Variants in DLGAP2 observed in about 807,000 individuals in gnomAD.
DLGAP2 encodes DLG associated protein 2.
A neutral mutation model predicts 100.3 loss-of-function variants in DLGAP2; 26 were observed. The ratio of observed to expected loss-of-function variants is 0.26; its 90% CI spans 0.19 to 0.36. The LOEUF (loss-of-function observed/expected upper bound fraction) is 0.36, where lower values mean the gene tolerates loss of function less well. Ranked by LOEUF, DLGAP2 falls within the 10% of genes least tolerant of loss-of-function variation. The pLI, the probability that DLGAP2 is intolerant of heterozygous loss-of-function variation, is 1.00. For synonymous variants in DLGAP2, 886 were observed against 630.1 expected (o/e 1.41, Z -6.08); for missense variants, 1,858 against 1,453.2 (o/e 1.28, Z -4.53).
intron 3 of DLGAP2, among the ~76,000 whole-genome samples, chr8:1,412,420 A>G (rs144256113): frequency 6.6e-6 from 1 of 152,220 alleles, no homozygotes; most frequent in Non-Finnish European, 1.5e-5. Context: ...CTTCCATATG[A>G]TTTGTTACAT....
chr8:1,024,632 T>G (rs1801738422), intron 2 of DLGAP2, among the ~76,000 whole-genome samples: 1 of 152,180 alleles, frequency 6.6e-6, no homozygotes, highest in African/African-American at 2.4e-5. Flanking sequence ...GTTGTATGAC[T>G]GGAGACAGAA....
intron 2 of DLGAP2, among the ~76,000 whole-genome samples, chr8:973,514 TGGGCGGCC>T (rs1443184696): frequency 6.8e-6 from 1 of 146,258 alleles, no homozygotes; most frequent in Non-Finnish European, 1.5e-5. Context: ...TCTCAGACGA[TGGGCGGCC>T]GGGCAGAGAT....
At chr8:787,833 C>T (rs751292938) in intron 1 of DLGAP2, among the ~76,000 whole-genome samples, 4 of 152,198 alleles carry the variant, frequency 2.6e-5, no homozygotes, top group African/African-American at 4.8e-5. Flanking sequence ...GGTTTGGGCT[C>T]GCTCAGCACT....
intron 1 of DLGAP2, among the ~76,000 whole-genome samples, chr8:791,588 C>G (rs1159740438): frequency 2.0e-5 from 3 of 152,144 alleles, no homozygotes; most frequent in African/African-American, 7.2e-5. Flanking sequence ...CATTTCGATT[C>G]TAACATAAAT....
At chr8:1,264,580 C>T (rs1015177989) in intron 3 of DLGAP2, among the ~76,000 whole-genome samples, 5 of 152,132 alleles carry the variant, frequency 3.3e-5, no homozygotes, top group African/African-American at 9.7e-5. Context: ...GTTCCAGAAT[C>T]AGTTATGATT....
At chr8:1,371,801 T>A (rs1248457427) in intron 3 of DLGAP2, among the ~76,000 whole-genome samples, 1 of 152,162 alleles carries the variant, frequency 6.6e-6, no homozygotes, top group Non-Finnish European at 1.5e-5. Flanking sequence ...ACGTGCATCG[T>A]GGAACTGTCC....
At chr8:875,371 C>T (rs953194182) in intron 1 of DLGAP2, among the ~76,000 whole-genome samples, 2 of 152,168 alleles carry the variant, frequency 1.3e-5, no homozygotes, top group South Asian at 2.1e-4. Flanking sequence ...ATAATCCCCA[C>T]GTGTCATGAG....
chr8:1,233,478 A>T (rs1798579758), intron 2 of DLGAP2, among the ~76,000 whole-genome samples: 1 of 152,216 alleles, frequency 6.6e-6, no homozygotes. Flanking sequence ...AACGGGGCTA[A>T]TCGCAGAGCG....
intron 2 of DLGAP2, among the ~76,000 whole-genome samples, chr8:1,169,531 A>G (rs1029594305): frequency 1.2e-4 from 18 of 152,088 alleles, no homozygotes; most frequent in Non-Finnish European, 1.8e-4. Flanking sequence ...ATGTTCTTCC[A>G]TTTGTTTGTA....
At chr8:1,669,684 C>T in intron 9 of DLGAP2, 59 bp from the exon 10 acceptor site, 2 of 780,332 alleles carry the variant, frequency 2.6e-6, no homozygotes, top group South Asian at 2.7e-5. Flanking sequence ...GGGGAGCCGC[C>T]CGCTGGTCCA....
chr8:1,652,847 A>C (rs1316905717), intron 8 of DLGAP2, among the ~76,000 whole-genome samples: 3 of 152,154 alleles, frequency 2.0e-5, no homozygotes, highest in African/African-American at 7.2e-5. Flanking sequence ...AAGCAAAGTA[A>C]ATTGCCTCCT....
intron 6 of DLGAP2, among the ~76,000 whole-genome samples, chr8:1,567,924 C>G (rs966988327): frequency 6.6e-6 from 1 of 152,240 alleles, no homozygotes; most frequent in Non-Finnish European, 1.5e-5. Context: ...GGCCTCAAAT[C>G]TGATCAGATG....
At chr8:1,339,270 C>T (rs1040397859) in intron 3 of DLGAP2, among the ~76,000 whole-genome samples, 9 of 117,860 alleles carry the variant, frequency 7.6e-5, no homozygotes, top group Admixed American at 4.2e-4. Flanking sequence ...CGTCAGGACC[C>T]GGGAGGGAAT....
At chr8:1,090,629 T>C (rs1364244020) in intron 2 of DLGAP2, among the ~76,000 whole-genome samples, 1 of 152,220 alleles carries the variant, frequency 6.6e-6, no homozygotes, top group Non-Finnish European at 1.5e-5. Context: ...TGCCTCTTGC[T>C]GACTGAGCCC....
At chr8:1,392,233 G>C (rs1167155751) in intron 3 of DLGAP2, among the ~76,000 whole-genome samples, 2 of 152,186 alleles carry the variant, frequency 1.3e-5, no homozygotes, top group African/African-American at 4.8e-5. Context: ...CCTTGAAGTG[G>C]ACGTGAGGAT....
chr8:1,320,843 G>A (rs926208958), intron 3 of DLGAP2, among the ~76,000 whole-genome samples: 25 of 152,200 alleles, frequency 1.6e-4, no homozygotes, highest in African/African-American at 4.1e-4. Context: ...GTGTGTGCAC[G>A]TGTGTTTCTC....
At chr8:1,618,095 C>G (rs567111809) in intron 6 of DLGAP2, among the ~76,000 whole-genome samples, 3 of 152,222 alleles carry the variant, frequency 2.0e-5, no homozygotes, top group Admixed American at 6.5e-5. Flanking sequence ...TAATGGAGGT[C>G]CTCGCCAGAC....
chr8:1,544,607 G>A (rs1018056839), intron 4 of DLGAP2, among the ~76,000 whole-genome samples: 1 of 152,114 alleles, frequency 6.6e-6, no homozygotes, highest in Admixed American at 6.5e-5. Context: ...TTCTATTAAA[G>A]TGATTTATTA....
At chr8:844,888 G>A (rs543239091) in intron 1 of DLGAP2, among the ~76,000 whole-genome samples, 56 of 152,250 alleles carry the variant, frequency 3.7e-4, no homozygotes, top group African/African-American at 1.3e-3. Context: ...TGTCTCGGTT[G>A]ATTACCATGC....
Sources: gnomAD v4.1 joint callset for allele counts (sites outside exome capture counted in the v4.1 genomes callset) on GRCh38, gnomAD v4.1.1 for gene constraint, MANE v1.5 for transcripts, NCBI Gene and HGNC (gene_info 2026-07-23, HGNC 2026-07-21) for gene names.